GRID1: variants seen among roughly 807,000 people sequenced by gnomAD.
GRID1 encodes glutamate receptor ionotropic, delta-1.
Under a neutral mutation model 98.0 loss-of-function variants are expected in GRID1, and 28 were observed. That is an observed-to-expected ratio of 0.29 (90% CI 0.21 to 0.39). The LOEUF (loss-of-function observed/expected upper bound fraction) is 0.39. Ranked by LOEUF, GRID1 falls within the 10% of genes least tolerant of loss-of-function variation. The probability of loss-of-function intolerance (pLI) is 1.00; values close to 1 mark genes in which losing one functional copy is unlikely to be tolerated. For missense variants in GRID1, 1,111 were observed against 1,340.5 expected, an observed-to-expected ratio of 0.83 and a Z score of 2.67; for synonymous variants, 553 against 538.5, an observed-to-expected ratio of 1.03 and a Z score of -0.37.
intron 4 of GRID1, among the ~76,000 whole-genome samples, chr10:85,936,518 TAAAAAAAA>T (rs58110757): frequency 6.9e-6 from 1 of 145,878 alleles, no homozygotes; most frequent in East Asian, 2.0e-4. Context: ...AGCACCAAAC[TAAAAAAAA>T]AAAAGAAAAA....
intron 4 of GRID1, among the ~76,000 whole-genome samples, chr10:86,075,323 A>AAATG (rs1843865473): frequency 6.8e-6 from 1 of 147,140 alleles, no homozygotes; most frequent in East Asian, 2.0e-4. Context: ...GCATCCTCAT[A>AAATG]AGAAGGAGAA....
intron 2 of GRID1, among the ~76,000 whole-genome samples, chr10:86,283,484 G>A (rs1420593388): frequency 6.6e-6 from 1 of 152,114 alleles, no homozygotes; most frequent in Non-Finnish European, 1.5e-5. Flanking sequence ...CCTGGCATCA[G>A]GCACTTGGTT....
At chr10:85,904,430 A>AGTCCATAT (rs1304714141) in intron 5 of GRID1, among the ~76,000 whole-genome samples, 2 of 152,118 alleles carry the variant, frequency 1.3e-5, no homozygotes, top group African/African-American at 4.8e-5. Context: ...AAGGATATGG[A>AGTCCATAT]CCCAAGAGAA....
intron 4 of GRID1, among the ~76,000 whole-genome samples, chr10:86,135,591 G>C (rs539537984): frequency 6.6e-6 from 1 of 152,116 alleles, no homozygotes; most frequent in African/African-American, 2.4e-5. Context: ...AGCGAGGGAT[G>C]TGAGGGGTCT....
rs1455152878 is a variant in GRID1 at position 85,627,718 on chromosome 10, A to G, written c.2194-7685T>C. Among the ~76,000 whole-genome samples, 3 of 152,002 alleles carry G rather than the reference A, an allele frequency of 2.0e-5. No individual in the cohort carries two copies. In the East Asian group the frequency reaches 5.8e-4, roughly 29 times the overall value. On this transcript the variant is annotated intron_variant, in intron 13 of 15. Transcript: ENST00000327946. ...ATTGTCACAGCCCAGCTCTCCAGTGACCCTACTGTCTCAGGGGCTAAGAAT... is the reference window on the plus strand; with the variant it reads ...ATTGTCACAGCCCAGCTCTCCAGTGGCCCTACTGTCTCAGGGGCTAAGAAT...
At chr10:86,029,882 C>A (rs950315770) in intron 4 of GRID1, among the ~76,000 whole-genome samples, 3 of 152,144 alleles carry the variant, frequency 2.0e-5, no homozygotes, top group African/African-American at 7.2e-5. Context: ...CATAGACCCC[C>A]AGAGGGAAAT....
chr10:85,761,327 G>A (rs2132698537), intron 8 of GRID1, among the ~76,000 whole-genome samples: 1 of 152,246 alleles, frequency 6.6e-6, no homozygotes, highest in Middle Eastern at 3.4e-3. Context: ...AGCTTGTTTG[G>A]GCTTCAGCAC....
intron 12 of GRID1, among the ~76,000 whole-genome samples, chr10:85,701,592 T>G (rs542094563): frequency 6.6e-6 from 1 of 152,248 alleles, no homozygotes; most frequent in African/African-American, 2.4e-5. Flanking sequence ...CTTGAAAGGG[T>G]GATTCTAACT....
chr10:86,255,435 A>G (rs1243522586), intron 2 of GRID1, among the ~76,000 whole-genome samples: 1 of 152,156 alleles, frequency 6.6e-6, no homozygotes, highest in Non-Finnish European at 1.5e-5. Flanking sequence ...GCCAAGGTCA[A>G]TGTCCCCTGA....
chr10:86,273,985 C>T (rs1486385184), intron 2 of GRID1, among the ~76,000 whole-genome samples: 1 of 152,038 alleles, frequency 6.6e-6, no homozygotes, highest in South Asian at 2.1e-4. Flanking sequence ...GAAGTCCTTG[C>T]CCATGCCTAT....
intron 2 of GRID1, among the ~76,000 whole-genome samples, chr10:86,232,588 GGA>G (rs1846473931): frequency 1.3e-5 from 2 of 152,322 alleles, no homozygotes; most frequent in African/African-American, 4.8e-5. Flanking sequence ...ATAAGAGGAG[GGA>G]GAGAGTTTAG....
At chr10:86,053,368 T>TG (rs1158777259) in intron 4 of GRID1, among the ~76,000 whole-genome samples, 2 of 151,640 alleles carry the variant, frequency 1.3e-5, no homozygotes, top group Non-Finnish European at 2.9e-5. Flanking sequence ...GTTTTTTTGT[T>TG]TTTTTTTGAG....
At chr10:85,943,243 G>T (rs1237935074) in intron 4 of GRID1, among the ~76,000 whole-genome samples, 2 of 152,002 alleles carry the variant, frequency 1.3e-5, no homozygotes, top group African/African-American at 4.8e-5. Flanking sequence ...TAACATTTGA[G>T]TTCTGTGAGG....
chr10:85,731,210 AC>A (rs1841817845), intron 8 of GRID1, among the ~76,000 whole-genome samples: 1 of 152,050 alleles, frequency 6.6e-6, no homozygotes, highest in South Asian at 2.1e-4. Flanking sequence ...TTTTAAAGAA[AC>A]CTGGAATTTC....
At chr10:86,051,147 G>A (rs927164677) in intron 4 of GRID1, among the ~76,000 whole-genome samples, 1 of 151,280 alleles carries the variant, frequency 6.6e-6, no homozygotes, top group South Asian at 2.1e-4. Context: ...AAACAGTGTG[G>A]TACAGACATG....
intron 2 of GRID1, among the ~76,000 whole-genome samples, chr10:86,211,165 T>C (rs147305098): frequency 3.9e-5 from 6 of 152,378 alleles, no homozygotes; most frequent in African/African-American, 1.4e-4. Context: ...CCATTCATGC[T>C]GCCTGGCACA....
At chr10:86,194,838 C>T (rs1845850601) in intron 3 of GRID1, among the ~76,000 whole-genome samples, 1 of 152,006 alleles carries the variant, frequency 6.6e-6, no homozygotes, top group African/African-American at 2.4e-5. Flanking sequence ...TCCCCCAGCT[C>T]TGCTACGGCT....
chr10:86,337,180 C>T (rs976343931), intron 2 of GRID1, among the ~76,000 whole-genome samples: 1 of 152,110 alleles, frequency 6.6e-6, no homozygotes, highest in Admixed American at 6.5e-5. Context: ...CTGACCGACT[C>T]ATCGAACAAC....
chr10:85,824,338 T>C (rs1287533924), intron 8 of GRID1, among the ~76,000 whole-genome samples: 2 of 152,078 alleles, frequency 1.3e-5, no homozygotes, highest in African/African-American at 4.8e-5. Context: ...CAGCTTCCCA[T>C]GTAGCTGGGA....
Sources: allele counts gnomAD v4.1 joint callset (sites outside exome capture counted in the v4.1 genomes callset), GRCh38; gene constraint gnomAD v4.1.1; transcripts MANE v1.5; gene names NCBI Gene and HGNC (gene_info 2026-07-23, HGNC 2026-07-21).